FER1L6: variants seen among roughly 807,000 people sequenced by gnomAD.
The protein encoded by FER1L6 is fer-1-like protein 6.
In FER1L6, 177 loss-of-function variants were observed where a neutral mutation model predicts 219.2. That is an observed-to-expected ratio of 0.81 (90% CI 0.71 to 0.91). The LOEUF is 0.91. FER1L6 is among the 40% of genes least tolerant of loss of function. The probability of loss-of-function intolerance (pLI) is 0.00; values close to 1 mark genes in which losing one functional copy is unlikely to be tolerated. For missense variants in FER1L6, 2,153 were observed against 2,259.9 expected, an observed-to-expected ratio of 0.95 and a Z score of 0.96; for synonymous variants, 768 against 824.3, an observed-to-expected ratio of 0.93 and a Z score of 1.17.
intron 1 of FER1L6, among the ~76,000 whole-genome samples, chr8:123,862,200 T>C (rs1816757995): frequency 1.4e-5 from 1 of 73,380 alleles, no homozygotes; most frequent in East Asian, 2.6e-4. Context: ...GGTTGTTGAA[T>C]TTTGTCAAAG....
At chr8:124,080,236 G>A (rs1441788297) in intron 32 of FER1L6, among the ~76,000 whole-genome samples, 2 of 152,012 alleles carry the variant, frequency 1.3e-5, no homozygotes, top group African/African-American at 4.8e-5. Flanking sequence ...TTGCATCTAG[G>A]GATAGTACCT....
intron 1 of FER1L6, among the ~76,000 whole-genome samples, chr8:123,953,245 T>C (rs1399766073): frequency 2.6e-5 from 4 of 152,148 alleles, no homozygotes; most frequent in Non-Finnish European, 1.5e-5. Context: ...CAACCTTGTG[T>C]GTTTGTGATA....
At chr8:123,930,237 T>G (rs1813716659) in intron 1 of FER1L6, among the ~76,000 whole-genome samples, 1 of 152,178 alleles carries the variant, frequency 6.6e-6, no homozygotes, top group Non-Finnish European at 1.5e-5. Context: ...TTTATCACAT[T>G]AGTTTGTGTA....
chr8:123,916,649 T>C (rs1246904763), intron 1 of FER1L6, among the ~76,000 whole-genome samples: 1 of 152,170 alleles, frequency 6.6e-6, no homozygotes, highest in Non-Finnish European at 1.5e-5. Flanking sequence ...GTAGCAACCC[T>C]TTTAGTGTTG....
rs78801502 is a variant in FER1L6 at position 123,939,087 on chromosome 8, G to T, written c.-7-16905G>T. On this transcript the variant is annotated intron_variant, in intron 1 of 40. Transcript: ENST00000522917. ...ATCAAACCCTTAGTTTTGAGGCTGT[G>T]TAGTAATGCCAAGAGAAGCATAGGT... 2,878 of 751,234 alleles carry T rather than the reference G, an allele frequency of 3.8e-3. 75 individuals carry two copies. In the African/African-American group the frequency reaches 0.048, roughly 13 times the overall value. 46.5% of individuals were successfully genotyped at this position (751,234 alleles called of 1,614,324 possible). A position where few individuals can be genotyped will look rare whatever the true frequency, so the allele number is the denominator to read the frequency against.
At chr8:124,101,483 T>A in intron 38 of FER1L6, 145 bp downstream of exon 38, 1 of 681,326 alleles carries the variant, frequency 1.5e-6, no homozygotes, top group Non-Finnish European at 2.4e-6. Context: ...AAATAGCCAT[T>A]AATAGGGAAT....
intron 1 of FER1L6, among the ~76,000 whole-genome samples, chr8:123,887,044 G>A (rs1817215483): frequency 6.6e-6 from 1 of 152,138 alleles, no homozygotes; most frequent in East Asian, 1.9e-4. Flanking sequence ...AAACTCACCA[G>A]ATCATCGCAT....
intron 1 of FER1L6, among the ~76,000 whole-genome samples, chr8:123,885,623 A>G (rs974351972): frequency 1.3e-5 from 2 of 152,230 alleles, no homozygotes; most frequent in Admixed American, 1.3e-4. Context: ...GAGGAAACTG[A>G]GCCACAGGAA....
chr8:124,040,136 C>T lies in FER1L6; in HGVS notation c.2589+130C>T, dbSNP rs1819418800. The T allele has an allele frequency of 9.7e-6, 12 of 1,238,292 alleles. No homozygotes were observed. In the African/African-American group the frequency reaches 1.1e-4, roughly 11 times the overall value. The allele number at this position is 1,238,292 out of a possible 1,614,324, so 76.7% of individuals were successfully genotyped here. On this transcript the variant is annotated intron_variant, in intron 20 of 40. Coordinates refer to ENST00000522917, the MANE Select transcript of FER1L6 (RefSeq NM_001039112.2). ...TCTTTGGGTGTGTAGATGTTTCAGACTGAAAAGCGAATATGTGCCCAGAAG... is the reference window on the plus strand; with the variant it reads ...TCTTTGGGTGTGTAGATGTTTCAGATTGAAAAGCGAATATGTGCCCAGAAG...
intron 1 of FER1L6, among the ~76,000 whole-genome samples, chr8:123,939,005 G>T (rs1276153712): frequency 6.6e-6 from 1 of 152,050 alleles, no homozygotes; most frequent in Non-Finnish European, 1.5e-5. Flanking sequence ...TGCTTTTTTT[G>T]CCTGCTTTTC....
At chr8:123,890,211 G>A (rs548039508) in intron 1 of FER1L6, among the ~76,000 whole-genome samples, 1 of 152,016 alleles carries the variant, frequency 6.6e-6, no homozygotes, top group Admixed American at 6.5e-5. Context: ...CTGGTCATGT[G>A]CCTACAGCAA....
At chr8:123,984,971 T>C (rs1354749658) in intron 11 of FER1L6, 1 of 152,246 alleles carries the variant, frequency 6.6e-6, no homozygotes, top group African/African-American at 2.4e-5. Flanking sequence ...AGCTCAGAAA[T>C]GTAATGCTGT....
intron 1 of FER1L6, among the ~76,000 whole-genome samples, chr8:123,932,927 G>A (rs2129931540): frequency 6.6e-6 from 1 of 152,308 alleles, no homozygotes; most frequent in Middle Eastern, 3.4e-3. Context: ...ACAGGTAAAA[G>A]GGTCAACTAT....
chr8:124,035,327 G>A lies in FER1L6; in HGVS notation c.2337G>A (p.Val779=), dbSNP rs374100650. Residue 779 remains valine (V), a synonymous_variant, in exon 19 of 41, where the codon GTG becomes GTA. Transcript: ENST00000522917. ...AGWSVQAKVD[V]YLWLGSIKHA... is the part of the protein sequence containing the mutation. ...GGTCTGTGCAAGCAAAAGTCGACGTGTACCTGTGGCTGGGCTCCATCAAGC... is the reference window on the plus strand; with the variant it reads ...GGTCTGTGCAAGCAAAAGTCGACGTATACCTGTGGCTGGGCTCCATCAAGC... The A allele has an allele frequency of 6.5e-4, 1,054 of 1,614,016 alleles. No homozygotes were observed. The highest frequency in any genetic ancestry group is 8.6e-4 in the Non-Finnish European group (1,015 of 1,179,994).
At chr8:123,914,999 T>G (rs1219677484) in intron 1 of FER1L6, among the ~76,000 whole-genome samples, 1 of 152,204 alleles carries the variant, frequency 6.6e-6, no homozygotes, top group Non-Finnish European at 1.5e-5. Flanking sequence ...TAAAAAAATT[T>G]TCATTCCTTG....
chr8:124,010,866 C>A, intron 14 of FER1L6, 152 bp downstream of exon 14: 1 of 1,108,654 alleles, frequency 9.0e-7, no homozygotes, highest in Non-Finnish European at 1.3e-6. Flanking sequence ...TCCTACTATG[C>A]AAATCTAGGG....
chr8:124,080,558 TC>T (rs1308879510), intron 32 of FER1L6, among the ~76,000 whole-genome samples: 1 of 152,142 alleles, frequency 6.6e-6, no homozygotes, highest in Non-Finnish European at 1.5e-5. Context: ...CCTCGAGTGA[TC>T]CACCTGCCTC....
Position 123,955,992 on chromosome 8 carries a change from A to G in FER1L6, c.-7A>G, listed in dbSNP as rs1383710719. ...GTTTCTTTTTTTTTCTTCTTTTCAG[A>G]AAGGGGATGTTTGGGCTGAAGGTGA... On this transcript the variant is annotated splice_region_variant and 5_prime_UTR_variant, in exon 2 of 41. Transcript: ENST00000522917. 6 of 1,608,472 alleles carry G rather than the reference A, an allele frequency of 3.7e-6. No individual in the cohort carries two copies. In the South Asian group the frequency reaches 6.7e-5, roughly 18 times the overall value.
chr8:123,998,379 T>TCC (rs1817242005), intron 12 of FER1L6, among the ~76,000 whole-genome samples: 1 of 105,938 alleles, frequency 9.4e-6, no homozygotes, highest in South Asian at 3.3e-4. Context: ...GGAAACTCTC[T>TCC]CTCTCTCTCT....
Sources: gnomAD v4.1 joint callset for allele counts (sites outside exome capture counted in the v4.1 genomes callset) on GRCh38, gnomAD v4.1.1 for gene constraint, MANE v1.5 for transcripts, NCBI Gene and HGNC (gene_info 2026-07-23, HGNC 2026-07-21) for gene names.